The following TMEM214 variants were observed in gnomAD, a reference collection of about 807,000 sequenced individuals.
TMEM214 encodes the protein transmembrane protein 214.
In TMEM214, 71 loss-of-function variants were observed where a neutral mutation model predicts 89.8. The ratio of observed to expected loss-of-function variants is 0.79; its 90% CI spans 0.65 to 0.96. The LOEUF is 0.96. Ranked by LOEUF, TMEM214 falls within the 40% of genes least tolerant of loss-of-function variation. The probability of loss-of-function intolerance (pLI) is 0.00; values close to 1 mark genes in which losing one functional copy is unlikely to be tolerated. For synonymous variants in TMEM214, 332 were observed against 349.5 expected (o/e 0.95, Z 0.56); for missense variants, 754 against 843.4 (o/e 0.89, Z 1.31).
rs1411757224 is a variant in TMEM214, at chr2:27,038,807, G to A, written c.1399G>A (p.Ala467Thr). 6.2e-7 allele frequency: 1 copy of A among 1,613,820 alleles called. No individual in the cohort carries two copies. Among genetic ancestry groups the A allele is most frequent in the East Asian group, 2.2e-5 (1 of 44,876 alleles). ...NNQDVVTCDM[A>T]CKGLLQQVQG... ...CCAGGATGTCGTCACCTGTGACATG[G>A]CCTGCAAGGTGCTGGCACCCGGTCC... The change falls in exon 12 of 17, where the codon GCC becomes ACC. Residue 467 changes from alanine (A) to threonine (T), a missense_variant. Physicochemically the swap from Ala to Thr is moderately conservative, Grantham distance 58. Transcript: ENST00000238788. This position sits in a 1 kb window ranked among gnomAD's most constrained non-coding sequence, Gnocchi z 4.4.
Position 27,038,222 on chromosome 2 carries a change from A to C in TMEM214, c.1229A>C (p.His410Pro), listed in dbSNP as rs1572792435. 2 of 1,613,930 alleles carry C rather than the reference A, an allele frequency of 1.2e-6. No homozygotes were observed. Among genetic ancestry groups the C allele is most frequent in the Non-Finnish European group, 1.7e-6 (2 of 1,179,920 alleles). ...GTCTGGAGGCAGCTGTACCCTAAGCACCTGTCACAGTCCAGGCAGGTGGGG... is the reference window on the plus strand; with the variant it reads ...GTCTGGAGGCAGCTGTACCCTAAGCCCCTGTCACAGTCCAGGCAGGTGGGG... ...ASVWRQLYPKHLSQSSLLLEH... is the reference protein window; with the variant it reads ...ASVWRQLYPKPLSQSSLLLEH... Residue 410 changes from histidine to proline, a missense_variant, in exon 10 of 17, where the codon CAC (histidine) becomes CCC (proline). Transcript: ENST00000238788. This position sits in a 1 kb window ranked among gnomAD's most constrained non-coding sequence, Gnocchi z 4.4.
intron 4 of TMEM214, 90 bp from the exon 5 acceptor site, chr2:27,035,880 T>G (rs1667539397): frequency 6.3e-7 from 1 of 1,575,724 alleles, no homozygotes. Flanking sequence ...TCAGTGGACC[T>G]GGGGCCTGGG....
In TMEM214 at chr2:27,040,363, G is replaced by A. The variant is rs532409616; in HGVS notation, c.1810G>A (p.Asp604Asn). The change falls in exon 16 of 17, where the codon GAT becomes AAT. Residue 604 changes from aspartate to asparagine, a missense_variant. Asp to Asn is a conservative substitution (Grantham distance 23). Transcript: ENST00000238788. Reference protein sequence around the residue: ...LSQRLQIQLPDSVNQLLRYLR... With the variant: ...LSQRLQIQLPNSVNQLLRYLR... ...GGTCCAGCTACAGATCCAGCTCCCC[G>A]ATTCCGTGAATCAGCTACTCCGCTA... 2.3e-5 allele frequency: 37 copies of A among 1,614,148 alleles called. No individual in the cohort carries two copies. Among genetic ancestry groups the A allele is most frequent in the African/African-American group, 1.3e-4 (10 of 75,046 alleles).
At chr2:27,037,047 T>C (rs769463579) in intron 7 of TMEM214, 30 bp from the exon 8 acceptor site, 15 of 1,591,726 alleles carry the variant, frequency 9.4e-6, no homozygotes, top group Non-Finnish European at 1.1e-5. Flanking sequence ...GGTGGTGGTG[T>C]CCAGCGAGCC....
Position 27,036,725 on chromosome 2 carries a change from C to G in TMEM214, c.847C>G (p.Pro283Ala). 6.2e-7 allele frequency: 1 copy of G among 1,614,162 alleles called. No homozygotes were observed. Among genetic ancestry groups the G allele is most frequent in the South Asian group, 1.1e-5 (1 of 91,084 alleles). ...TGCAGTGTGGCTGGGGATCATGCTG[C>G]CTGTGCTGGGCATCAAGTCTCTGTC... ...GLKVWLGIMLPVLGIKSLSPF... is the reference protein window; with the variant it reads ...GLKVWLGIMLAVLGIKSLSPF... The change falls in exon 7 of 17, where the codon CCT becomes GCT. Residue 283 changes from proline (P) to alanine (A), a missense_variant. Transcript: ENST00000238788.
In TMEM214 at chr2:27,040,398, G is replaced by A. The variant is rs751268852; in HGVS notation, c.1845G>A (p.Glu615=). The A allele has an allele frequency of 6.2e-7, 1 of 1,614,230 alleles. No individual in the cohort carries two copies. The highest frequency in any genetic ancestry group is 2.2e-5 in the East Asian group (1 of 44,886). The change falls in exon 16 of 17, where the codon GAG becomes GAA. Residue 615 remains glutamate, a synonymous_variant. Transcript: ENST00000238788. The stretch of plus-strand genomic sequence containing the variant: ...ATCAGCTACTCCGCTATCTGAGAGA[G>A]CTGCCCCTGCTTTTCCACCAGAATG... ...SVNQLLRYLR[E]LPLLFHQNVL...
chr2:27,036,951 A>G, intron 7 of TMEM214, 126 bp from the exon 8 acceptor site: 4 of 1,108,414 alleles, frequency 3.6e-6, no homozygotes, highest in South Asian at 1.3e-5. Context: ...AGAGGGAGCT[A>G]TTAAGGGCTG....
intron 5 of TMEM214, 62 bp from the exon 6 acceptor site, chr2:27,036,425 T>G: frequency 9.4e-6 from 13 of 1,383,730 alleles, no homozygotes; most frequent in Non-Finnish European, 1.3e-5. Context: ...CCCTCCTGGC[T>G]TTGGGGGGTG....
intron 13 of TMEM214, chr2:27,039,496 T>C: frequency 1.7e-6 from 1 of 598,882 alleles, no homozygotes; most frequent in South Asian, 2.0e-5. Context: ...ACCCTCAACC[T>C]GAGGCTTCCT....
chr2:27,039,602 T>A, intron 13 of TMEM214, 139 bp from the exon 14 acceptor site: 1 of 768,164 alleles, frequency 1.3e-6, no homozygotes, highest in Non-Finnish European at 2.3e-6. Flanking sequence ...CACAGCAGCC[T>A]GGAGCTGGCT....
chr2:27,039,090 G>C lies in TMEM214; in HGVS notation c.1451G>C (p.Arg484Pro). Residue 484 changes from arginine (R) to proline (P), a missense_variant, in exon 13 of 17, where the codon CGG (arginine) becomes CCG (proline). By Grantham distance (103) the Arg-to-Pro change is moderately radical. Coordinates refer to ENST00000238788, the MANE Select transcript of TMEM214 (RefSeq NM_017727.5). ...QVQGPRLPWT[R>P]LLLLLLVFAV... is the part of the protein sequence containing the mutation. Reference sequence around the variant, plus strand: ...CAGGGTCCTCGGCTGCCCTGGACGCGGCTCCTCCTGTTGCTGCTGGTCTTC... The same window carrying C: ...CAGGGTCCTCGGCTGCCCTGGACGCCGCTCCTCCTGTTGCTGCTGGTCTTC... 6.2e-7 allele frequency: 1 copy of C among 1,613,878 alleles called. No homozygotes were observed. Among genetic ancestry groups the C allele is most frequent in the Non-Finnish European group, 8.5e-7 (1 of 1,180,048 alleles).
chr2:27,039,844 T>C lies in TMEM214; in HGVS notation c.1622+7T>C, dbSNP rs1478302330. The C allele has an allele frequency of 1.7e-5, 28 of 1,613,748 alleles. No individual in the cohort carries two copies. The highest frequency in any genetic ancestry group is 2.2e-5 in the Non-Finnish European group (26 of 1,179,882). On this transcript the variant is annotated splice_region_variant and intron_variant, in intron 14 of 16. Coordinates refer to ENST00000238788, the MANE Select transcript of TMEM214 (RefSeq NM_017727.5). ...ACAGTCTGCAAGGCTACAGGTGAGC[T>C]CCTCCCAGGGAGGGGAGAGGAGAGG...
At position 27,033,097 on chromosome 2, in the gene TMEM214, G is replaced by A; in HGVS notation, c.82G>A (p.Gly28Ser). ...RRPGVGAGAG[G>S]RGGGRNRRAL... is the part of the protein sequence containing the mutation. ...GCCTGGGGTCGGCGCCGGCGCCGGC[G>A]GCCGAGGAGGCGGCAGGAACCGCAG... The change falls in exon 1 of 17, where the codon GGC becomes AGC. Residue 28 changes from glycine (G) to serine (S), a missense_variant. Transcript: ENST00000238788. The A allele has an allele frequency of 8.0e-7, 1 of 1,247,224 alleles. No homozygotes were observed. Among genetic ancestry groups the A allele is most frequent in the Non-Finnish European group, 1.0e-6 (1 of 987,446 alleles). 77.3% of individuals were successfully genotyped at this position (1,247,224 alleles called of 1,614,324 possible).
chr2:27,040,138 T>G lies in TMEM214; in HGVS notation c.1731T>G (p.Ser577=), dbSNP rs199916552. The G allele has an allele frequency of 1.9e-6, 3 of 1,608,448 alleles. No homozygotes were observed. Among genetic ancestry groups the G allele is most frequent in the Admixed American group, 1.7e-5 (1 of 60,032 alleles). Residue 577 remains serine (S), a synonymous_variant, in exon 15 of 17, where the codon TCT becomes TCG. Coordinates refer to ENST00000238788, the MANE Select transcript of TMEM214 (RefSeq NM_017727.5). ...CCAATGCCACAGTCAGCTTCCTTTC[T>G]GCCCACTGTGCCTCTCACCTTGCGT... is the stretch of plus-strand genomic sequence containing the variant. The part of the protein sequence containing the change: ...AHTNATVSFL[S]AHCASHLAWF...
chr2:27,037,506 T>C (rs1667616277), intron 8 of TMEM214, 55 bp from the exon 9 acceptor site: 1 of 1,611,528 alleles, frequency 6.2e-7, no homozygotes, highest in Admixed American at 1.7e-5. Flanking sequence ...AAAAGGTTCA[T>C]ATCATACAGC....
At chr2:27,039,210 A>C in intron 13 of TMEM214, 46 bp downstream of exon 13, 1 of 1,541,810 alleles carries the variant, frequency 6.5e-7, no homozygotes, top group Admixed American at 1.7e-5. Flanking sequence ...GGCGGGGCAC[A>C]GAGCTACACG....
rs1294479580 is a variant in TMEM214, at chr2:27,034,269, G to A, written c.351+3G>A. 6.2e-7 allele frequency: 1 copy of A among 1,613,272 alleles called. No individual in the cohort carries two copies. The highest frequency in any genetic ancestry group is 8.5e-7 in the Non-Finnish European group (1 of 1,179,962). Reference sequence around the variant, plus strand: ...GCCTGGAGGAAGCACTGAAAGCTGTGAGTGTGCCTAGACATGAGACGCAGA... The same window carrying A: ...GCCTGGAGGAAGCACTGAAAGCTGTAAGTGTGCCTAGACATGAGACGCAGA... On this transcript the variant is annotated splice_donor_region_variant and intron_variant, in intron 2 of 16. Coordinates refer to ENST00000238788, the MANE Select transcript of TMEM214 (RefSeq NM_017727.5).
chr2:27,036,905 C>G, intron 7 of TMEM214, 119 bp downstream of exon 7: 1 of 1,175,634 alleles, frequency 8.5e-7, no homozygotes, highest in Non-Finnish European at 1.3e-6. Context: ...ACCAGCTTCT[C>G]CCACCACCTT....
At chr2:27,034,506 C>G in intron 2 of TMEM214, 1 of 518,850 alleles carries the variant, frequency 1.9e-6, no homozygotes, top group Non-Finnish European at 3.4e-6. Flanking sequence ...CTTGAAGACC[C>G]AGGAACACCA....
Sources: gnomAD v4.1 joint callset for allele counts on GRCh38, gnomAD v4.1.1 for gene constraint, Gnocchi (gnomAD v3.1) non-coding constraint, MANE v1.5 for transcripts, NCBI Gene and HGNC (gene_info 2026-07-23, HGNC 2026-07-21) for gene names.